Variants in ELMOD1 observed in about 807,000 individuals in gnomAD.
The protein encoded by ELMOD1 is ELMO domain containing 1.
A neutral mutation model predicts 46.7 loss-of-function variants in ELMOD1; 21 were observed. The observed-to-expected ratio is 0.45, with a 90% CI of 0.32 to 0.65. ELMOD1 has a LOEUF of 0.65. ELMOD1 is among the 30% of genes least tolerant of loss of function. The pLI is 0.04. For missense variants in ELMOD1, 348 were observed against 407.8 expected (o/e 0.85, Z 1.26); for synonymous variants, 122 against 138.2 (o/e 0.88, Z 0.82).
intron 1 of ELMOD1, among the ~76,000 whole-genome samples, chr11:107,610,289 G>A (rs1264691527): frequency 6.6e-6 from 1 of 152,086 alleles, no homozygotes. Context: ...TGAAGCAGGT[G>A]GCATTAAAGT....
chr11:107,601,483 T>G (rs1159073731), intron 1 of ELMOD1, among the ~76,000 whole-genome samples: 1 of 150,044 alleles, frequency 6.7e-6, no homozygotes, highest in Non-Finnish European at 1.5e-5. Context: ...TGGCATGATC[T>G]TGGCTTACTG....
chr11:107,638,990 T>A (rs1008242597), intron 6 of ELMOD1, among the ~76,000 whole-genome samples: 9 of 151,970 alleles, frequency 5.9e-5, no homozygotes, highest in South Asian at 2.1e-4. Context: ...CCACAAAAAA[T>A]TTTTTAATAA....
chr11:107,599,702 A>G (rs1865557121), intron 1 of ELMOD1, among the ~76,000 whole-genome samples: 1 of 136,590 alleles, frequency 7.3e-6, no homozygotes, highest in African/African-American at 2.8e-5. Flanking sequence ...AGATTGTGGC[A>G]CTGCACTCCA....
At chr11:107,609,699 G>T (rs576797830) in intron 1 of ELMOD1, among the ~76,000 whole-genome samples, 256 of 151,988 alleles carry the variant, frequency 1.7e-3, no homozygotes, top group Admixed American at 5.5e-3. Flanking sequence ...TTTTCTCTCA[G>T]CTGGAAAAGA....
At chr11:107,623,945 A>T (rs1036204763) in intron 2 of ELMOD1, 2 of 152,184 alleles carry the variant, frequency 1.3e-5, no homozygotes, top group Admixed American at 6.5e-5. Flanking sequence ...ATTTCCCCCC[A>T]ACTTATTTCA....
intron 2 of ELMOD1, 51 bp from the exon 3 acceptor site, chr11:107,630,366 T>C: frequency 6.6e-7 from 1 of 1,506,324 alleles, no homozygotes; most frequent in Non-Finnish European, 8.9e-7. Flanking sequence ...GGCTGCTTTC[T>C]CTTCTCTTCC....
intron 1 of ELMOD1, among the ~76,000 whole-genome samples, chr11:107,596,903 A>C (rs1865500398): frequency 6.6e-6 from 1 of 152,176 alleles, no homozygotes. Context: ...AAATAGAGGC[A>C]GAATTATCAA....
chr11:107,655,193 A>G lies in ELMOD1; in HGVS notation c.699-740A>G, dbSNP rs976390061. 2.7e-4 allele frequency among the ~76,000 whole-genome samples: 41 copies of G among 152,240 alleles called. 1 individual carries two copies. The highest frequency in any genetic ancestry group is 9.9e-4 in the African/African-American group (41 of 41,536). ...TAATAAAATGGCTTGCTCTATCCAT[A>G]ATGTTTTATATCCTGCTGAAATCGT... On this transcript the variant is annotated intron_variant, in intron 10 of 11. Transcript: ENST00000265840.
rs768936625 is a variant in ELMOD1, at chr11:107,635,759, T to C, written c.414T>C (p.Leu138=). ...ATAATCCCCAACATGAAGAAATGCT[T>C]TTGAAGGTTAGTGCTTGAACACATT... ...DSDNPQHEEM[L]LKLWKFLKPN... is the part of the protein sequence containing the mutation. The change falls in exon 6 of 12, where the codon CTT becomes CTC. Residue 138 remains leucine, a synonymous_variant. Transcript: ENST00000265840. The C allele has an allele frequency of 3.1e-6, 5 of 1,613,234 alleles. No individual in the cohort carries two copies. In the South Asian group the frequency reaches 5.5e-5, roughly 18 times the overall value.
intron 1 of ELMOD1, among the ~76,000 whole-genome samples, chr11:107,593,700 G>A (rs1865444812): frequency 6.6e-6 from 1 of 152,066 alleles, no homozygotes; most frequent in Non-Finnish European, 1.5e-5. Flanking sequence ...GATAAACAGT[G>A]AATTATTGTT....
intron 9 of ELMOD1, 111 bp from the exon 10 acceptor site, chr11:107,654,061 G>A: frequency 2.4e-6 from 2 of 844,060 alleles, no homozygotes; most frequent in Non-Finnish European, 3.8e-6. Flanking sequence ...GGATAATTGA[G>A]CTACAGACAT....
chr11:107,620,382 A>G (rs1467659930), intron 2 of ELMOD1: 3 of 152,248 alleles, frequency 2.0e-5, no homozygotes, highest in Admixed American at 2.0e-4. Flanking sequence ...TATTAATGGT[A>G]TAAATATTCA....
intron 7 of ELMOD1, among the ~76,000 whole-genome samples, chr11:107,648,369 C>G (rs991604026): frequency 6.4e-4 from 97 of 152,280 alleles, no homozygotes; most frequent in African/African-American, 2.0e-3. Flanking sequence ...GTATCCGTCC[C>G]CTGTATTTCC....
chr11:107,609,194 T>C (rs1865736191), intron 1 of ELMOD1, among the ~76,000 whole-genome samples: 1 of 152,248 alleles, frequency 6.6e-6, no homozygotes, highest in African/African-American at 2.4e-5. Context: ...TTGTGAATAT[T>C]TGCTATTATC....
chr11:107,603,567 C>A (rs1263490), intron 1 of ELMOD1, among the ~76,000 whole-genome samples: 55 of 150,922 alleles, frequency 3.6e-4, no homozygotes, highest in African/African-American at 1.3e-3. Flanking sequence ...ACAACAACAA[C>A]AAAACCTTTC....
intron 6 of ELMOD1, among the ~76,000 whole-genome samples, chr11:107,646,464 G>A (rs1866427692): frequency 6.6e-6 from 1 of 152,112 alleles, no homozygotes; most frequent in South Asian, 2.1e-4. Context: ...GCCGGGTGTG[G>A]TGGCTCACAC....
chr11:107,633,880 C>T (rs888591106), intron 5 of ELMOD1, among the ~76,000 whole-genome samples: 1 of 151,952 alleles, frequency 6.6e-6, no homozygotes, highest in African/African-American at 2.4e-5. Context: ...AATATCTGGC[C>T]TAGTTGTTTG....
chr11:107,618,218 C>T lies in ELMOD1; in HGVS notation c.17+12C>T, dbSNP rs373807107. Reference sequence around the variant, plus strand: ...AAGCACTTCCTGAGGTATGTGTTTACGGTTCCCTGGCTGAGCCCTCTGCAG... The same window carrying T: ...AAGCACTTCCTGAGGTATGTGTTTATGGTTCCCTGGCTGAGCCCTCTGCAG... On this transcript the variant is annotated intron_variant, in intron 2 of 11. Transcript: ENST00000265840. 191 of 1,560,682 alleles carry T rather than the reference C, an allele frequency of 1.2e-4. 3 individuals carry two copies. In the East Asian group the frequency reaches 1.5e-3, roughly 12 times the overall value.
intron 11 of ELMOD1, among the ~76,000 whole-genome samples, chr11:107,656,394 A>C (rs899998049): frequency 6.9e-6 from 1 of 145,076 alleles, no homozygotes; most frequent in Non-Finnish European, 1.5e-5. Flanking sequence ...TCTCAAAAAA[A>C]ATGATATATA....
Sources: gnomAD v4.1 joint callset for allele counts (sites outside exome capture counted in the v4.1 genomes callset) on GRCh38, gnomAD v4.1.1 for gene constraint, MANE v1.5 for transcripts, NCBI Gene and HGNC (gene_info 2026-07-23, HGNC 2026-07-21) for gene names.